Variants in DGKI observed in about 807,000 individuals in gnomAD.
The protein encoded by DGKI is DAG kinase iota.
Under a neutral mutation model 147.5 loss-of-function variants are expected in DGKI, and 55 were observed. The ratio of observed to expected loss-of-function variants is 0.37; its 90% CI spans 0.30 to 0.47. The LOEUF (loss-of-function observed/expected upper bound fraction) is 0.47. Among genes scored for constraint, DGKI ranks in the 20% least tolerant of loss-of-function variants. DGKI has a pLI of 1.00. For missense variants in DGKI, 1,007 were observed against 1,323.8 expected, an observed-to-expected ratio of 0.76 and a Z score of 3.71; for synonymous variants, 469 against 477.1, an observed-to-expected ratio of 0.98 and a Z score of 0.22.
intron 1 of DGKI, among the ~76,000 whole-genome samples, chr7:137,758,726 C>A (rs1052345492): frequency 2.0e-5 from 3 of 151,480 alleles, no homozygotes; most frequent in Non-Finnish European, 4.4e-5. Flanking sequence ...ATATATATAT[C>A]TCAGTCTGAC....
intron 1 of DGKI, among the ~76,000 whole-genome samples, chr7:137,807,067 C>T (rs1332269020): frequency 6.6e-6 from 1 of 152,176 alleles, no homozygotes; most frequent in Non-Finnish European, 1.5e-5. Flanking sequence ...ACTGCAACAG[C>T]TTGCCATATA....
chr7:137,487,635 C>T lies in DGKI; in HGVS notation c.2303G>A (p.Arg768His), dbSNP rs753459372. 14 of 1,613,614 alleles carry T rather than the reference C, an allele frequency of 8.7e-6. No homozygotes were observed. The highest frequency in any genetic ancestry group is 2.2e-5 in the East Asian group (1 of 44,892). Residue 768 changes from arginine to histidine, a missense_variant, in exon 22 of 33, where the codon CGT becomes CAT. By Grantham distance (29) the Arg-to-His change is conservative. Coordinates refer to ENST00000614521, the MANE Select transcript of DGKI (RefSeq NM_001321708.2). ...VRGDCDLETCRMYIDRLQEDL... is the reference protein window; with the variant it reads ...VRGDCDLETCHMYIDRLQEDL... The stretch of plus-strand genomic sequence containing the variant: ...CTCCTGTAGGCGGTCTATGTACATA[C>T]GGCAAGTCTCCAAATCACAGTCTCC...
At chr7:137,781,583 C>G (rs903686327) in intron 1 of DGKI, among the ~76,000 whole-genome samples, 4 of 152,156 alleles carry the variant, frequency 2.6e-5, no homozygotes, top group African/African-American at 9.7e-5. Context: ...GGAAGCTGAC[C>G]ACTCTCCTTC....
chr7:137,386,680 G>A lies in DGKI; in HGVS notation c.*4540C>T, dbSNP rs181152532. The stretch of plus-strand genomic sequence containing the variant: ...AAAACTTAGAGAGACAAGAGATAAT[G>A]GATGACTGGGGACACAGAAAAGGGT... On this transcript the variant is annotated 3_prime_UTR_variant, in exon 33 of 33. Transcript: ENST00000614521. The A allele has an allele frequency of 1.5e-3, 229 of 152,216 alleles. 1 individual carries two copies. Among genetic ancestry groups the A allele is most frequent in the African/African-American group, 5.3e-3 (219 of 41,550 alleles). The allele number at this position is 152,216 out of a possible 1,614,324, so 9.4% of individuals were successfully genotyped here. A position where few individuals can be genotyped will look rare whatever the true frequency, so the allele number is the denominator to read the frequency against.
At chr7:137,618,150 TA>T (rs1214268327) in intron 8 of DGKI, among the ~76,000 whole-genome samples, 788 of 28,200 alleles carry the variant, frequency 0.028, 40 homozygotes, top group African/African-American at 0.08. Flanking sequence ...TATATATATA[TA>T]TTTTTTTTTT....
At chr7:137,741,552 A>C (rs1267306136) in intron 1 of DGKI, among the ~76,000 whole-genome samples, 1 of 152,180 alleles carries the variant, frequency 6.6e-6, no homozygotes, top group African/African-American at 2.4e-5. Flanking sequence ...TTTCAGTGGA[A>C]AGATTTCATT....
At chr7:137,391,913 T>G (rs1811380011) in intron 32 of DGKI, among the ~76,000 whole-genome samples, 1 of 152,174 alleles carries the variant, frequency 6.6e-6, no homozygotes, top group Admixed American at 6.5e-5. Context: ...AATACAAAAG[T>G]GGTAGATATT....
intron 1 of DGKI, among the ~76,000 whole-genome samples, chr7:137,697,395 T>C (rs954042325): frequency 6.6e-6 from 1 of 152,190 alleles, no homozygotes; most frequent in African/African-American, 2.4e-5. Flanking sequence ...TCTGACCAAG[T>C]TTTATTTAAC....
chr7:137,503,933 T>C (rs1270254203), intron 21 of DGKI, among the ~76,000 whole-genome samples: 1 of 152,220 alleles, frequency 6.6e-6, no homozygotes, highest in Non-Finnish European at 1.5e-5. Flanking sequence ...CAGCAGACTA[T>C]ATGTGAGAAC....
intron 23 of DGKI, among the ~76,000 whole-genome samples, chr7:137,481,989 T>C (rs1039334626): frequency 1.3e-5 from 2 of 151,974 alleles, no homozygotes; most frequent in African/African-American, 4.8e-5. Flanking sequence ...CATGTTTCTT[T>C]TTCACCTATA....
At chr7:137,441,217 G>A (rs997910364) in intron 28 of DGKI, among the ~76,000 whole-genome samples, 3 of 151,998 alleles carry the variant, frequency 2.0e-5, no homozygotes, top group East Asian at 2.0e-4. Context: ...TCAGGAGATC[G>A]AGACCATCCT....
At chr7:137,565,234 C>A (rs1473976643) in intron 19 of DGKI, among the ~76,000 whole-genome samples, 2 of 151,736 alleles carry the variant, frequency 1.3e-5, no homozygotes, top group African/African-American at 4.8e-5. Flanking sequence ...TATATTTATA[C>A]AATAAAAAAG....
At chr7:137,807,994 T>C (rs1253728296) in intron 1 of DGKI, among the ~76,000 whole-genome samples, 1 of 152,240 alleles carries the variant, frequency 6.6e-6, no homozygotes, top group East Asian at 1.9e-4. Context: ...TTGGGATTTA[T>C]TGATTCTCCT....
intron 10 of DGKI, among the ~76,000 whole-genome samples, chr7:137,602,405 A>G (rs1459440432): frequency 1.3e-5 from 2 of 152,248 alleles, no homozygotes; most frequent in Non-Finnish European, 2.9e-5. Flanking sequence ...AGTCTATTGG[A>G]ATAACATGCC....
At chr7:137,792,102 T>C (rs1796872268) in intron 1 of DGKI, among the ~76,000 whole-genome samples, 1 of 152,164 alleles carries the variant, frequency 6.6e-6, no homozygotes, top group African/African-American at 2.4e-5. Flanking sequence ...TATATTGGTT[T>C]AGCAATGAAC....
intron 1 of DGKI, among the ~76,000 whole-genome samples, chr7:137,704,717 C>T (rs1289194678): frequency 6.6e-6 from 1 of 152,128 alleles, no homozygotes; most frequent in Admixed American, 6.5e-5. Context: ...CTAGAAACAT[C>T]ATAGTCAAAA....
At chr7:137,397,310 T>C in intron 31 of DGKI, 67 bp downstream of exon 31, 2 of 1,459,452 alleles carry the variant, frequency 1.4e-6, no homozygotes, top group South Asian at 2.4e-5. Context: ...CTCTATAGAT[T>C]ACATTCTTCT....
intron 1 of DGKI, among the ~76,000 whole-genome samples, chr7:137,742,904 G>A (rs193184701): frequency 7.2e-5 from 11 of 152,244 alleles, no homozygotes; most frequent in Admixed American, 1.3e-4. Flanking sequence ...CTAACAAAAC[G>A]AAGTTCTAGT....
At chr7:137,451,537 T>C (rs1043401752) in intron 27 of DGKI, among the ~76,000 whole-genome samples, 28 of 152,196 alleles carry the variant, frequency 1.8e-4, no homozygotes, top group African/African-American at 6.8e-4. Flanking sequence ...CCCAGTTTTC[T>C]ACCAGCAAAA....
Sources: allele counts gnomAD v4.1 joint callset (sites outside exome capture counted in the v4.1 genomes callset), GRCh38; gene constraint gnomAD v4.1.1; transcripts MANE v1.5; gene names NCBI Gene and HGNC (gene_info 2026-07-23, HGNC 2026-07-21).